The following LDB3 variants were observed in gnomAD, a reference collection of about 807,000 sequenced individuals.
LDB3 encodes LIM domain binding 3, also known as LIM domain-binding protein 3.
In LDB3, 49 loss-of-function variants were observed where a neutral mutation model predicts 69.0. The ratio of observed to expected loss-of-function variants is 0.71; its 90% CI spans 0.56 to 0.90. LDB3 has a LOEUF of 0.90. LDB3 is among the 40% of genes least tolerant of loss of function. The probability of loss-of-function intolerance (pLI) is 0.00; values close to 1 mark genes in which losing one functional copy is unlikely to be tolerated. For synonymous variants in LDB3, 387 were observed against 396.2 expected (o/e 0.98, Z 0.28); for missense variants, 928 against 974.1 (o/e 0.95, Z 0.63).
intron 13 of LDB3, among the ~76,000 whole-genome samples, chr10:86,731,052 G>A (rs1010289123): frequency 3.3e-5 from 5 of 151,444 alleles, no homozygotes; most frequent in African/African-American, 1.2e-4. Context: ...CTACTAGGGA[G>A]GCTGAGGCAG....
chr10:86,673,495 C>T (rs879737072), intron 2 of LDB3, among the ~76,000 whole-genome samples: 2 of 151,860 alleles, frequency 1.3e-5, no homozygotes, highest in African/African-American at 2.4e-5. Flanking sequence ...CAGGGAGAGG[C>T]TTTTTGAGCA....
At chr10:86,676,710 G>A (rs529676163) in intron 2 of LDB3, among the ~76,000 whole-genome samples, 6 of 152,214 alleles carry the variant, frequency 3.9e-5, no homozygotes, top group African/African-American at 7.2e-5. Flanking sequence ...TCCGTGACCC[G>A]TAATGTGGTC....
chr10:86,676,404 A>G (rs1232047494), intron 2 of LDB3, among the ~76,000 whole-genome samples: 1 of 152,048 alleles, frequency 6.6e-6, no homozygotes, highest in Non-Finnish European at 1.5e-5. Context: ...TTCTACTAAA[A>G]ATACAAAAAT....
chr10:86,684,805 C>T (rs559649319), intron 5 of LDB3, among the ~76,000 whole-genome samples: 3 of 152,236 alleles, frequency 2.0e-5, no homozygotes, highest in Non-Finnish European at 4.4e-5. Flanking sequence ...CACTGTCTCC[C>T]TCACAGGCCC....
chr10:86,711,665 G>C (rs892249838), intron 9 of LDB3, among the ~76,000 whole-genome samples: 1 of 151,782 alleles, frequency 6.6e-6, no homozygotes, highest in African/African-American at 2.4e-5. Flanking sequence ...CTCCCCCCGG[G>C]GCCTCCTCCG....
At chr10:86,721,103 C>G (rs965255555) in intron 12 of LDB3, among the ~76,000 whole-genome samples, 1 of 152,302 alleles carries the variant, frequency 6.6e-6, no homozygotes, top group East Asian at 1.9e-4. Context: ...AGCCACCGTG[C>G]CTATTTTTGA....
intron 7 of LDB3, among the ~76,000 whole-genome samples, chr10:86,694,774 G>T (rs1399463422): frequency 6.6e-6 from 1 of 152,098 alleles, no homozygotes; most frequent in Admixed American, 6.6e-5. Flanking sequence ...GGGGCCCCAG[G>T]CTCACCTACA....
chr10:86,697,710 C>A (rs901797656), intron 7 of LDB3, among the ~76,000 whole-genome samples: 2 of 151,630 alleles, frequency 1.3e-5, no homozygotes, highest in African/African-American at 4.9e-5. Context: ...CATGCCATCA[C>A]ACCTGGCTAA....
chr10:86,726,507 C>G, intron 13 of LDB3: 1 of 508,372 alleles, frequency 2.0e-6, no homozygotes, highest in Non-Finnish European at 3.6e-6. Context: ...CAGGGTTTGG[C>G]AAACCAGCGG....
intron 13 of LDB3, among the ~76,000 whole-genome samples, chr10:86,730,952 A>G (rs192081116): frequency 4.1e-4 from 63 of 152,096 alleles, no homozygotes; most frequent in African/African-American, 1.4e-3. Context: ...CAGGAGTTTG[A>G]AACCAGCCTG....
intron 3 of LDB3, among the ~76,000 whole-genome samples, 198 bp from the exon 4 acceptor site, chr10:86,679,884 C>G (rs1845015309): frequency 6.6e-6 from 1 of 152,220 alleles, no homozygotes; most frequent in African/African-American, 2.4e-5. Context: ...CATGATTTCT[C>G]CATCCTCGTC....
intron 2 of LDB3, among the ~76,000 whole-genome samples, chr10:86,676,801 A>G (rs1844819541): frequency 6.6e-6 from 1 of 152,212 alleles, no homozygotes; most frequent in Non-Finnish European, 1.5e-5. Context: ...TGGTGACTGC[A>G]GGGCATCCTG....
At chr10:86,718,177 T>TG (rs765279651) in intron 11 of LDB3, 33 bp downstream of exon 11, 1 of 1,596,634 alleles carries the variant, frequency 6.3e-7, no homozygotes, top group South Asian at 1.1e-5. Context: ...CTCTGACCCA[T>TG]GTCTCTTCCC....
intron 5 of LDB3, chr10:86,686,944 C>T (rs1055679189): frequency 3.4e-5 from 30 of 870,852 alleles, no homozygotes; most frequent in Middle Eastern, 3.4e-4. Context: ...TTCAGGGCCT[C>T]GGCTCTGGGA....
At chr10:86,730,971 G>A (rs1191859062) in intron 13 of LDB3, among the ~76,000 whole-genome samples, 1 of 151,820 alleles carries the variant, frequency 6.6e-6, no homozygotes, top group Non-Finnish European at 1.5e-5. Context: ...TGGCCAACAT[G>A]GTGAAACCCT....
chr10:86,681,923 GC>G, intron 5 of LDB3, 120 bp downstream of exon 5: 1 of 1,068,552 alleles, frequency 9.4e-7, no homozygotes, highest in Non-Finnish European at 1.4e-6. Flanking sequence ...CCAGCCCCGA[GC>G]CCATGAGGTC....
chr10:86,718,783 C>G lies in LDB3; in HGVS notation c.1914C>G (p.Ala638=). The G allele has an allele frequency of 6.2e-7, 1 of 1,614,166 alleles. No individual in the cohort carries two copies. Among genetic ancestry groups the G allele is most frequent in the Non-Finnish European group, 8.5e-7 (1 of 1,180,034 alleles). Residue 638 remains alanine, a synonymous_variant, in exon 12 of 14, where the codon GCC becomes GCG. Transcript: ENST00000361373. ...TWHTTCFVCA[A]CKKPFGNSLF... Reference sequence around the variant, plus strand: ...ACACCACCTGCTTCGTCTGTGCGGCCTGCAAGAAGCCTTTTGGGAACAGCC... The same window carrying G: ...ACACCACCTGCTTCGTCTGTGCGGCGTGCAAGAAGCCTTTTGGGAACAGCC...
At position 86,668,740 on chromosome 10, in the gene LDB3, C is replaced by A; in HGVS notation, c.49C>A (p.Leu17Met). 2 of 1,613,392 alleles carry A rather than the reference C, an allele frequency of 1.2e-6. No homozygotes were observed. The highest frequency in any genetic ancestry group is 1.7e-6 in the Non-Finnish European group (2 of 1,180,008). ...TGGGCCCGGGCCCTGGGGCTTCCGT[C>A]TGCAGGGGGGCAAGGACTTCAACAT... ...LTGPGPWGFRLQGGKDFNMPL... is the reference protein window; with the variant it reads ...LTGPGPWGFRMQGGKDFNMPL... The change falls in exon 2 of 14, where the codon CTG becomes ATG. Residue 17 changes from leucine (L) to methionine (M), a missense_variant. Leu to Met is a conservative substitution (Grantham distance 15). Transcript: ENST00000361373.
Position 86,706,707 on chromosome 10 carries a change from C to A in LDB3, c.1073C>A (p.Ala358Asp). ...ACCACAGCCCCTGCTTCAAGTCCTGCCGACAGCCCAAGGTAACTGGGCCAC... is the reference window on the plus strand; with the variant it reads ...ACCACAGCCCCTGCTTCAAGTCCTGACGACAGCCCAAGGTAACTGGGCCAC... ...ASTTAPASSPADSPRPQASSY... is the reference protein window; with the variant it reads ...ASTTAPASSPDDSPRPQASSY... Residue 358 changes from alanine to aspartate, a missense_variant, in exon 8 of 14, where the codon GCC (alanine) becomes GAC (aspartate). Coordinates refer to ENST00000361373, the MANE Select transcript of LDB3 (RefSeq NM_007078.3). 6.2e-7 allele frequency: 1 copy of A among 1,612,116 alleles called. No individual in the cohort carries two copies. The highest frequency in any genetic ancestry group is 8.5e-7 in the Non-Finnish European group (1 of 1,179,482).
Sources: gnomAD v4.1 joint callset for allele counts (sites outside exome capture counted in the v4.1 genomes callset) on GRCh38, gnomAD v4.1.1 for gene constraint, MANE v1.5 for transcripts, NCBI Gene and HGNC (gene_info 2026-07-23, HGNC 2026-07-21) for gene names.